The following PLCXD3 variants were observed in gnomAD, a reference collection of about 807,000 sequenced individuals.
PLCXD3 encodes PI-PLC X domain-containing protein 3.
Under a neutral mutation model 25.5 loss-of-function variants are expected in PLCXD3, and 19 were observed. The observed-to-expected ratio is 0.75, with a 90% CI of 0.52 to 1.09. PLCXD3 has a LOEUF of 1.09. Ranked by LOEUF, PLCXD3 falls within the 50% of genes least tolerant of loss-of-function variation. PLCXD3 has a pLI of 0.00. For missense variants in PLCXD3, 411 were observed against 388.1 expected, an observed-to-expected ratio of 1.06 and a Z score of -0.50; for synonymous variants, 174 against 137.6, an observed-to-expected ratio of 1.26 and a Z score of -1.85.
intron 1 of PLCXD3, among the ~76,000 whole-genome samples, chr5:41,384,233 G>T (rs1291036441): frequency 1.3e-5 from 2 of 152,054 alleles, no homozygotes; most frequent in East Asian, 3.9e-4. Flanking sequence ...TGGGAGTTAG[G>T]TTCTGATTGG....
intron 1 of PLCXD3, among the ~76,000 whole-genome samples, chr5:41,394,722 G>C (rs1745944185): frequency 6.6e-6 from 1 of 151,852 alleles, no homozygotes; most frequent in South Asian, 2.1e-4. Flanking sequence ...AGACAAAGAA[G>C]GTCACTATAT....
Position 41,440,422 on chromosome 5 carries a change from G to A in PLCXD3, c.104-57888C>T, listed in dbSNP as rs183944208. 9.2e-3 allele frequency among the ~76,000 whole-genome samples: 1,384 copies of A among 151,020 alleles called. 6 individuals carry two copies. Among genetic ancestry groups the A allele is most frequent in the Non-Finnish European group, 0.016 (1,092 of 67,738 alleles). On this transcript the variant is annotated intron_variant, in intron 1 of 2. Coordinates refer to ENST00000377801, the MANE Select transcript of PLCXD3 (RefSeq NM_001005473.3). ...TAATTTTTGTATTTTTAGTAGAGAC[G>A]GGGTTTCACCATGTTGGCCAGGCTG... is the stretch of plus-strand genomic sequence containing the variant.
intron 2 of PLCXD3, among the ~76,000 whole-genome samples, chr5:41,316,070 C>T (rs1743281332): frequency 6.6e-6 from 1 of 152,174 alleles, no homozygotes. Flanking sequence ...TAAACCCAGG[C>T]TGCACAGCTT....
chr5:41,492,841 T>C (rs928652743), intron 1 of PLCXD3, among the ~76,000 whole-genome samples: 1 of 152,236 alleles, frequency 6.6e-6, no homozygotes, highest in African/African-American at 2.4e-5. Context: ...CTAAACTTTT[T>C]CCAAAGTTTT....
At chr5:41,417,971 T>C (rs908758843) in intron 1 of PLCXD3, among the ~76,000 whole-genome samples, 2 of 152,236 alleles carry the variant, frequency 1.3e-5, no homozygotes, top group South Asian at 2.1e-4. Flanking sequence ...TGGAATTATC[T>C]ATATGTTAGT....
intron 2 of PLCXD3, among the ~76,000 whole-genome samples, chr5:41,379,670 T>A (rs1745397379): frequency 6.6e-6 from 1 of 152,052 alleles, no homozygotes; most frequent in Non-Finnish European, 1.5e-5. Context: ...AAGTCTAAAA[T>A]TTGGTTTTAA....
chr5:41,397,332 C>T (rs1400821366), intron 1 of PLCXD3, among the ~76,000 whole-genome samples: 1 of 152,194 alleles, frequency 6.6e-6, no homozygotes, highest in East Asian at 1.9e-4. Flanking sequence ...GGCCTAGGTA[C>T]AGCTTGGGAC....
intron 2 of PLCXD3, among the ~76,000 whole-genome samples, chr5:41,355,563 G>T (rs1744594787): frequency 6.6e-6 from 1 of 152,158 alleles, no homozygotes; most frequent in South Asian, 2.1e-4. Flanking sequence ...CCCTTTCCCT[G>T]CTACTCCTGG....
At chr5:41,432,940 G>A (rs1444275277) in intron 1 of PLCXD3, among the ~76,000 whole-genome samples, 2 of 152,196 alleles carry the variant, frequency 1.3e-5, no homozygotes, top group Non-Finnish European at 2.9e-5. Flanking sequence ...TGTCTTGTCT[G>A]CTGTTTTCTT....
intron 2 of PLCXD3, among the ~76,000 whole-genome samples, chr5:41,369,200 C>T (rs1390338555): frequency 2.0e-5 from 3 of 152,074 alleles, no homozygotes; most frequent in Non-Finnish European, 4.4e-5. Flanking sequence ...ACCACGTAAC[C>T]CCTAACCAGC....
intron 1 of PLCXD3, among the ~76,000 whole-genome samples, chr5:41,501,682 A>C (rs1205960672): frequency 6.6e-6 from 1 of 151,938 alleles, no homozygotes; most frequent in Admixed American, 6.6e-5. Context: ...AGTAAATTTC[A>C]CGTTATGGAT....
At chr5:41,386,113 G>C (rs1745626055) in intron 1 of PLCXD3, among the ~76,000 whole-genome samples, 1 of 152,056 alleles carries the variant, frequency 6.6e-6, no homozygotes, top group Non-Finnish European at 1.5e-5. Context: ...GTTAATGAAG[G>C]GACTTGTGGC....
intron 1 of PLCXD3, among the ~76,000 whole-genome samples, chr5:41,401,759 A>G (rs1051473482): frequency 4.6e-5 from 7 of 152,042 alleles, no homozygotes; most frequent in African/African-American, 7.2e-5. Flanking sequence ...TTCTTTTGTG[A>G]GAATCTTTTA....
At chr5:41,373,858 C>A (rs1745199296) in intron 2 of PLCXD3, among the ~76,000 whole-genome samples, 1 of 151,936 alleles carries the variant, frequency 6.6e-6, no homozygotes, top group Non-Finnish European at 1.5e-5. Flanking sequence ...TAATTTCTCA[C>A]CAAAGGTGAG....
intron 2 of PLCXD3, among the ~76,000 whole-genome samples, chr5:41,320,228 G>A (rs1389480973): frequency 6.6e-6 from 1 of 152,036 alleles, no homozygotes; most frequent in Non-Finnish European, 1.5e-5. Flanking sequence ...TTGAAAAATA[G>A]AGGAGGAGGG....
chr5:41,307,636 G>T lies in PLCXD3; in HGVS notation c.*5981C>A, dbSNP rs187861069. On this transcript the variant is annotated 3_prime_UTR_variant, in exon 3 of 3. Transcript: ENST00000377801. ...CTGTCCCCCAACAATGTTCTGAGAA[G>T]GTGTCACCAGGGCAGTGTCTATACC... 65 of 152,292 alleles carry T rather than the reference G, an allele frequency of 4.3e-4. No individual in the cohort carries two copies. Among genetic ancestry groups the T allele is most frequent in the Non-Finnish European group, 5.1e-4 (35 of 68,098 alleles). 9.4% of individuals were successfully genotyped at this position (152,292 alleles called of 1,614,324 possible).
intron 1 of PLCXD3, among the ~76,000 whole-genome samples, chr5:41,398,604 T>G (rs920682832): frequency 7.9e-5 from 12 of 152,166 alleles, no homozygotes; most frequent in African/African-American, 2.9e-4. Flanking sequence ...GTACGTCATA[T>G]CAACAGAATG....
At chr5:41,349,428 A>G (rs377468067) in intron 2 of PLCXD3, among the ~76,000 whole-genome samples, 1 of 152,316 alleles carries the variant, frequency 6.6e-6, no homozygotes, top group East Asian at 1.9e-4. Context: ...AAATGCTCCT[A>G]TTGGGAAAAG....
chr5:41,495,068 A>T (rs1450961023), intron 1 of PLCXD3, among the ~76,000 whole-genome samples: 1 of 152,258 alleles, frequency 6.6e-6, no homozygotes, highest in African/African-American at 2.4e-5. Context: ...TGCACTCCAG[A>T]TGAGCAAGAA....
Sources: gnomAD v4.1 joint callset for allele counts (sites outside exome capture counted in the v4.1 genomes callset) on GRCh38, gnomAD v4.1.1 for gene constraint, MANE v1.5 for transcripts, NCBI Gene and HGNC (gene_info 2026-07-23, HGNC 2026-07-21) for gene names.